Variants in RBM5 observed in about 807,000 individuals in gnomAD.
The protein encoded by RBM5 is RNA-binding protein 5.
Under a neutral mutation model 124.6 loss-of-function variants are expected in RBM5, and 15 were observed. That is an observed-to-expected ratio of 0.12 (90% CI 0.08 to 0.19). The LOEUF (loss-of-function observed/expected upper bound fraction) is 0.19. RBM5 is among the 10% of genes least tolerant of loss of function. RBM5 has a pLI of 1.00. For missense variants in RBM5, 580 were observed against 1,026.5 expected (o/e 0.57, Z 5.94); for synonymous variants, 337 against 361.2 (o/e 0.93, Z 0.76).
Position 50,100,089 on chromosome 3 carries a change from T to TC in RBM5, c.409+42dup, listed in dbSNP as rs2090909380. 1 of 1,571,036 alleles carries TC rather than the reference T, an allele frequency of 6.4e-7. No individual in the cohort carries two copies. The highest frequency in any genetic ancestry group is 8.7e-7 in the Non-Finnish European group (1 of 1,144,676). The stretch of plus-strand genomic sequence containing the variant: ...TTAGTTCCTGATATTATTGTTCTCT[T>TC]CCCCATTCCCACCTCAGTCCCTAAA... On this transcript the variant is annotated intron_variant, in intron 5 of 24. Coordinates refer to ENST00000347869, the MANE Select transcript of RBM5 (RefSeq NM_005778.4). The surrounding 1 kb of genome is among the most constrained non-coding windows in gnomAD (Gnocchi z 5.1).
At chr3:50,097,142 T>C in intron 4 of RBM5, among the ~76,000 whole-genome samples, 1 of 152,186 alleles carries the variant, frequency 6.6e-6, no homozygotes, top group East Asian at 1.9e-4. Context: ...ACGCCTGTAA[T>C]CCCAGCACTT....
chr3:50,113,266 T>C, intron 17 of RBM5, 117 bp from the exon 18 acceptor site: 1 of 1,091,278 alleles, frequency 9.2e-7, no homozygotes, highest in Non-Finnish European at 1.3e-6. Flanking sequence ...CAGGGTCTTT[T>C]CTGGGCAGGA....
At chr3:50,109,314 C>T (rs375836966) in intron 14 of RBM5, among the ~76,000 whole-genome samples, 9 of 152,304 alleles carry the variant, frequency 5.9e-5, no homozygotes, top group African/African-American at 1.7e-4. Flanking sequence ...ACCTCGTGAT[C>T]GGCTCGCCTT....
chr3:50,092,034 C>T lies in RBM5; in HGVS notation c.18-9C>T. On this transcript the variant is annotated splice_polypyrimidine_tract_variant and intron_variant, in intron 2 of 24. Transcript: ENST00000347869. ...CTGACTTTAGAATGAAAATTATTTT[C>T]CCTGGCAGAGTGAGTAGAACAGAGC... 3 of 1,613,558 alleles carry T rather than the reference C, an allele frequency of 1.9e-6. No homozygotes were observed. The highest frequency in any genetic ancestry group is 2.5e-6 in the Non-Finnish European group (3 of 1,179,594).
intron 9 of RBM5, among the ~76,000 whole-genome samples, 183 bp from the exon 10 acceptor site, chr3:50,105,343 TGTTCTCCTACCCTTTTGTAAGGA>T (rs1399193682): frequency 6.6e-6 from 1 of 152,166 alleles, no homozygotes; most frequent in African/African-American, 2.4e-5. Context: ...TGGAAATTTC[TGTTCTCCTACCCTTTTGTAAGGA>T]GCAGCAGCAG....
At chr3:50,094,026 A>ATTT in intron 4 of RBM5, 151 bp downstream of exon 4, 3 of 664,290 alleles carry the variant, frequency 4.5e-6, no homozygotes, top group South Asian at 3.5e-5. Flanking sequence ...CTGTTTTGAT[A>ATTT]TTTTTTTTTA....
chr3:50,115,696 A>G (rs1485223908), intron 21 of RBM5, 89 bp downstream of exon 21: 1 of 1,444,200 alleles, frequency 6.9e-7, no homozygotes, highest in African/African-American at 1.4e-5. Flanking sequence ...TTCCAAAAAT[A>G]CCTGCCATCT....
Position 50,118,807 on chromosome 3 carries a change from G to C in RBM5, c.*351G>C. The C allele has an allele frequency of 9.4e-6, 2 of 213,828 alleles. No individual in the cohort carries two copies. Among genetic ancestry groups the C allele is most frequent in the East Asian group, 1.1e-4 (1 of 9,430 alleles). 13.2% of individuals were successfully genotyped at this position (213,828 alleles called of 1,614,324 possible). ...GGGTTTGAGATGCTGTAGGTGGTAT[G>C]TGACACCAAAGCCACCTCTGTCATT... On this transcript the variant is annotated 3_prime_UTR_variant, in exon 25 of 25. Coordinates refer to ENST00000347869, the MANE Select transcript of RBM5 (RefSeq NM_005778.4).
At chr3:50,109,914 T>C in intron 15 of RBM5, 2 of 419,566 alleles carry the variant, frequency 4.8e-6, no homozygotes, top group Non-Finnish European at 8.4e-6. Flanking sequence ...GCTTGACCTT[T>C]AGAAAGTTGT....
intron 14 of RBM5, among the ~76,000 whole-genome samples, chr3:50,109,081 C>CTT (rs545097885): frequency 6.7e-6 from 1 of 149,602 alleles, no homozygotes; most frequent in Non-Finnish European, 1.5e-5. Context: ...CTTTTCTCTT[C>CTT]TTTTTTTTTT....
chr3:50,093,229 G>C (rs2090741449), intron 3 of RBM5, among the ~76,000 whole-genome samples: 1 of 150,164 alleles, frequency 6.7e-6, no homozygotes, highest in South Asian at 2.1e-4. Context: ...CATGAGGTCA[G>C]AAGATTGAGA....
At chr3:50,107,672 CTTTTTTTTTTTTTTTTTTT>C (rs71080575) in intron 12 of RBM5, 103 bp downstream of exon 12, 8 of 104,892 alleles carry the variant, frequency 7.6e-5, no homozygotes, top group African/African-American at 1.2e-4. Flanking sequence ...CTTTTCTTTT[CTTTTTTTTTTTTTTTTTTT>C]TTTTTTTTTT....
chr3:50,093,573 C>A (rs1299137203), intron 3 of RBM5, 147 bp from the exon 4 acceptor site: 130 of 680,318 alleles, frequency 1.9e-4, no homozygotes, highest in Non-Finnish European at 2.3e-4. Flanking sequence ...ACCCCTGTCT[C>A]AAAAAAAAAA....
Position 50,114,165 on chromosome 3 carries a change from T to C in RBM5, c.1768-15T>C. On this transcript the variant is annotated splice_polypyrimidine_tract_variant and intron_variant, in intron 19 of 24. Coordinates refer to ENST00000347869, the MANE Select transcript of RBM5 (RefSeq NM_005778.4). Reference sequence around the variant, plus strand: ...CCTAAAACTTGAGTCTCATGGCTTGTCCTCTGTTTCCCAGGGAGCCTTAGC... The same window carrying C: ...CCTAAAACTTGAGTCTCATGGCTTGCCCTCTGTTTCCCAGGGAGCCTTAGC... 1 of 1,614,030 alleles carries C rather than the reference T, an allele frequency of 6.2e-7. No individual in the cohort carries two copies. The highest frequency in any genetic ancestry group is 2.2e-5 in the East Asian group (1 of 44,876).
intron 6 of RBM5, chr3:50,101,634 A>G (rs1039293006): frequency 3.3e-5 from 5 of 152,220 alleles, no homozygotes; most frequent in African/African-American, 4.8e-5. Context: ...TACAAGGTTC[A>G]TGTGAGTCTG....
At position 50,100,725 on chromosome 3, in the gene RBM5, T is replaced by G; in HGVS notation, c.483+120T>G. ...TGACTTTTTTTTAAAAAAAAAGCTT[T>G]GTATATATTAAAATTGATGTTACTA... On this transcript the variant is annotated intron_variant, in intron 6 of 24. Coordinates refer to ENST00000347869, the MANE Select transcript of RBM5 (RefSeq NM_005778.4). The surrounding 1 kb of genome is among the most constrained non-coding windows in gnomAD (Gnocchi z 5.1). 1.4e-6 allele frequency: 1 copy of G among 719,214 alleles called. No homozygotes were observed. Among genetic ancestry groups the G allele is most frequent in the South Asian group, 2.3e-5 (1 of 44,150 alleles). 44.6% of individuals were successfully genotyped at this position (719,214 alleles called of 1,614,324 possible).
At chr3:50,114,681 T>G (rs1313037189) in intron 20 of RBM5, 1 of 160,420 alleles carries the variant, frequency 6.2e-6, no homozygotes, top group Admixed American at 6.5e-5. Flanking sequence ...TCGTCTCTAC[T>G]GAAAATTAGA....
At chr3:50,107,638 C>A in intron 12 of RBM5, 69 bp downstream of exon 12, 2 of 896,490 alleles carry the variant, frequency 2.2e-6, no homozygotes, top group South Asian at 1.4e-5. Context: ...CGTGACCTCT[C>A]CTGTGGTACT....
intron 8 of RBM5, chr3:50,104,867 G>C: frequency 2.0e-6 from 1 of 501,574 alleles, no homozygotes; most frequent in African/African-American, 1.9e-5. Context: ...CTTTAGTGCA[G>C]GGTAGTGTCA....
Sources: allele counts gnomAD v4.1 joint callset (sites outside exome capture counted in the v4.1 genomes callset), GRCh38; gene constraint gnomAD v4.1.1; non-coding constraint Gnocchi (gnomAD v3.1); transcripts MANE v1.5; gene names NCBI Gene and HGNC (gene_info 2026-07-23, HGNC 2026-07-21).